Variants in LAMA3 observed in about 807,000 individuals in gnomAD.
LAMA3 encodes the protein laminin subunit alpha-3.
A neutral mutation model predicts 402.0 loss-of-function variants in LAMA3; 281 were observed. The ratio of observed to expected loss-of-function variants is 0.70; its 90% confidence interval spans 0.63 to 0.77. The LOEUF (loss-of-function observed/expected upper bound fraction) is 0.77. Ranked by LOEUF, LAMA3 falls within the 30% of genes least tolerant of loss-of-function variation. The probability of loss-of-function intolerance (pLI) is 0.00; values close to 1 mark genes in which losing one functional copy is unlikely to be tolerated. For missense variants in LAMA3, 3,840 were observed against 4,215.5 expected (o/e 0.91, Z 2.47); for synonymous variants, 1,431 against 1,558.4 (o/e 0.92, Z 1.93).
Position 23,775,812 on chromosome 18 carries a change from C to T in LAMA3, c.1294C>T (p.His432Tyr). The T allele has an allele frequency of 6.2e-7, 1 of 1,613,994 alleles. No individual in the cohort carries two copies. Among genetic ancestry groups the T allele is most frequent in the South Asian group, 1.1e-5 (1 of 91,058 alleles). The change falls in exon 10 of 75, where the codon CAT becomes TAT. Residue 432 changes from histidine to tyrosine, a missense_variant. Physicochemically the swap from His to Tyr is moderately conservative, Grantham distance 83. Coordinates refer to ENST00000313654, the MANE Select transcript of LAMA3 (RefSeq NM_198129.4). ...CTTAGCCTGCAGCTGTGACCCTGAG[C>T]ATGCGGATGGCTGTGAACAGGGTTC... ...GCIPCSCDPE[H>Y]ADGCEQGSGR...
intron 12 of LAMA3, among the ~76,000 whole-genome samples, chr18:23,808,025 G>A (rs1050360849): frequency 6.6e-6 from 1 of 152,178 alleles, no homozygotes; most frequent in Non-Finnish European, 1.5e-5. Flanking sequence ...AATAGCTAGG[G>A]GAGCATTAGA....
intron 38 of LAMA3, among the ~76,000 whole-genome samples, chr18:23,875,643 C>G (rs116355498): frequency 3.0e-3 from 460 of 152,276 alleles, no homozygotes; most frequent in African/African-American, 0.01. Context: ...TCAGTTAAGA[C>G]TCCTATTCCC....
intron 18 of LAMA3, among the ~76,000 whole-genome samples, chr18:23,818,484 A>G (rs572605723): frequency 6.6e-6 from 1 of 152,362 alleles, no homozygotes; most frequent in East Asian, 1.9e-4. Context: ...CTCCAACATG[A>G]CAATCTTGCA....
rs755656839 is a variant in LAMA3, at chr18:23,864,804, A to G, written c.4604A>G (p.Tyr1535Cys). Reference sequence around the variant, plus strand: ...TTTTAGGTTTCTTCATATGGTGGTTACCTCACTTACCAAGCCAAGTCCTTT... The same window carrying G: ...TTTTAGGTTTCTTCATATGGTGGTTGCCTCACTTACCAAGCCAAGTCCTTT... ...LGDKVSSYGG[Y>C]LTYQAKSFGL... The change falls in exon 36 of 75, where the codon TAC (tyrosine) becomes TGC (cysteine). Residue 1535 changes from tyrosine to cysteine, a missense_variant. Tyr to Cys is a radical substitution (Grantham distance 194). Around this residue, in one of 3 missense-constraint regions of LAMA3, gnomAD observed 2,109 missense variants for 2,376.0 expected, o/e 0.89. Coordinates refer to ENST00000313654, the MANE Select transcript of LAMA3 (RefSeq NM_198129.4). 18 of 1,612,116 alleles carry G rather than the reference A, an allele frequency of 1.1e-5. No individual in the cohort carries two copies. Among genetic ancestry groups the G allele is most frequent in the East Asian group, 2.2e-5 (1 of 44,868 alleles).
At chr18:23,900,850 T>A (rs973126187) in intron 47 of LAMA3, among the ~76,000 whole-genome samples, 4 of 152,216 alleles carry the variant, frequency 2.6e-5, no homozygotes, top group Non-Finnish European at 5.9e-5. Flanking sequence ...CGACTGGCCA[T>A]GTAACCTTGG....
intron 2 of LAMA3, among the ~76,000 whole-genome samples, chr18:23,717,486 G>T (rs1217403406): frequency 1.5e-5 from 2 of 130,806 alleles, no homozygotes; most frequent in African/African-American, 2.9e-5. Flanking sequence ...GTTTTTCATT[G>T]TTATTTTTTT....
At position 23,916,659 on chromosome 18, in the gene LAMA3, CG is replaced by C; in HGVS notation, c.7888del (p.Val2630TrpfsTer18). ...PTFGQTIQTT[V>X]DRGLLFFAEN... ...CCTTTGGACAGACAATTCAGACCACCGTGGATAGAGGCTTGCTGTTCTTTGC... is the reference window on the plus strand; with the variant it reads ...CCTTTGGACAGACAATTCAGACCACCTGGATAGAGGCTTGCTGTTCTTTGC... On this transcript the variant is annotated frameshift_variant, in exon 60 of 75. Transcript: ENST00000313654. LOFTEE classifies it high-confidence loss of function. 2.5e-6 allele frequency: 4 copies of C among 1,614,136 alleles called. No homozygotes were observed. The highest frequency in any genetic ancestry group is 3.4e-6 in the Non-Finnish European group (4 of 1,180,024).
rs776172584 is a variant in LAMA3, at chr18:23,773,545, C to T, written c.1231C>T (p.Arg411Cys). ...TGAACAGTGTGCTAAGGGCTATTAC[C>T]GCCCTTATGGGGTTCCAGTGGATGC... Reference protein sequence around the residue: ...NCEQCAKGYYRPYGVPVDAPD... With the variant: ...NCEQCAKGYYCPYGVPVDAPD... The change falls in exon 9 of 75, where the codon CGC (arginine) becomes TGC (cysteine). Residue 411 changes from arginine (R) to cysteine (C), a missense_variant. Coordinates refer to ENST00000313654, the MANE Select transcript of LAMA3 (RefSeq NM_198129.4). The T allele has an allele frequency of 3.0e-5, 48 of 1,598,176 alleles. No homozygotes were observed. Among genetic ancestry groups the T allele is most frequent in the Admixed American group, 1.0e-4 (6 of 58,756 alleles).
intron 36 of LAMA3, among the ~76,000 whole-genome samples, chr18:23,866,307 G>A (rs1002399171): frequency 6.6e-6 from 1 of 152,178 alleles, no homozygotes; most frequent in Non-Finnish European, 1.5e-5. Context: ...TGATTAATGC[G>A]ATGTAATGAT....
chr18:23,889,960 A>T (rs776967519), intron 41 of LAMA3, 51 bp from the exon 42 acceptor site: 1 of 1,390,336 alleles, frequency 7.2e-7, no homozygotes, highest in South Asian at 1.2e-5. Context: ...ATTGGTTGAG[A>T]TAAACGATGA....
At chr18:23,723,882 A>T (rs1788779) in intron 2 of LAMA3, among the ~76,000 whole-genome samples, 13,980 of 151,878 alleles carry the variant, frequency 0.092, 1,145 homozygotes, top group Admixed American at 0.2. Context: ...TATTTTTTTT[A>T]AAATTTTTAT....
chr18:23,943,496 CAT>C (rs1168905022), intron 68 of LAMA3, among the ~76,000 whole-genome samples: 2 of 152,176 alleles, frequency 1.3e-5, no homozygotes, highest in Non-Finnish European at 2.9e-5. Context: ...AAGATTCAGA[CAT>C]GTTTCTTCTT....
chr18:23,839,495 C>T lies in LAMA3; in HGVS notation c.3192-290C>T, dbSNP rs1362538527. The stretch of plus-strand genomic sequence containing the variant: ...TTTTATTGTATTGATCTCATTTTAA[C>T]AATTAATTTTAGTTTTGGAAAGGGA... On this transcript the variant is annotated intron_variant, in intron 26 of 74. Transcript: ENST00000313654. This position sits in a 1 kb window ranked among gnomAD's most constrained non-coding sequence, Gnocchi z 4.5. Among the ~76,000 whole-genome samples the T allele has an allele frequency of 6.6e-6, 1 of 152,160 alleles. No homozygotes were observed. Among genetic ancestry groups the T allele is most frequent in the East Asian group, 1.9e-4 (1 of 5,200 alleles).
At chr18:23,800,291 C>T (rs375342818) in intron 12 of LAMA3, among the ~76,000 whole-genome samples, 9 of 152,312 alleles carry the variant, frequency 5.9e-5, no homozygotes, top group Non-Finnish European at 1.3e-4. Context: ...GGGTGATGTT[C>T]GAGCTTCCCC....
intron 41 of LAMA3, among the ~76,000 whole-genome samples, chr18:23,886,737 C>A (rs990717857): frequency 1.2e-4 from 19 of 152,142 alleles, no homozygotes; most frequent in Non-Finnish European, 8.8e-5. Flanking sequence ...AAAATGAATT[C>A]AACCAGATTT....
chr18:23,755,245 G>A (rs1409547799), intron 6 of LAMA3, among the ~76,000 whole-genome samples: 1 of 152,202 alleles, frequency 6.6e-6, no homozygotes, highest in African/African-American at 2.4e-5. Flanking sequence ...CCATCACAGA[G>A]GGCATGAGCT....
At chr18:23,891,951 G>C (rs1034570928) in intron 42 of LAMA3, among the ~76,000 whole-genome samples, 1 of 152,224 alleles carries the variant, frequency 6.6e-6, no homozygotes, top group African/African-American at 2.4e-5. Flanking sequence ...ATGTGGAACT[G>C]TGTCACACGA....
intron 12 of LAMA3, among the ~76,000 whole-genome samples, chr18:23,787,939 T>G (rs2062577104): frequency 6.6e-6 from 1 of 152,112 alleles, no homozygotes; most frequent in African/African-American, 2.4e-5. Flanking sequence ...CTTGACTGAT[T>G]TTAACAGAAA....
intron 16 of LAMA3, 32 bp from the exon 17 acceptor site, chr18:23,815,436 C>A: frequency 6.5e-7 from 1 of 1,549,318 alleles, no homozygotes; most frequent in Non-Finnish European, 8.9e-7. Flanking sequence ...GTAATTATAT[C>A]AAATGTTGTC....
Sources: gnomAD v4.1 joint callset for allele counts (sites outside exome capture counted in the v4.1 genomes callset) on GRCh38, gnomAD v4.1.1 for gene constraint, gnomAD v4.1.1 regional missense constraint, Gnocchi (gnomAD v3.1) non-coding constraint, MANE v1.5 for transcripts, NCBI Gene and HGNC (gene_info 2026-07-23, HGNC 2026-07-21) for gene names.